The following ERN1 variants were observed in gnomAD, a reference collection of about 807,000 sequenced individuals.
ERN1 encodes the protein endoplasmic reticulum to nucleus signaling 1.
Under a neutral mutation model 113.1 loss-of-function variants are expected in ERN1, and 39 were observed. That is an observed-to-expected ratio of 0.34 (90% CI 0.27 to 0.45). The LOEUF (loss-of-function observed/expected upper bound fraction) is 0.45. ERN1 is among the 20% of genes least tolerant of loss of function. ERN1 has a pLI of 1.00. For missense variants in ERN1, 976 were observed against 1,274.8 expected (o/e 0.77, Z 3.57); for synonymous variants, 507 against 515.9 (o/e 0.98, Z 0.23).
intron 9 of ERN1, among the ~76,000 whole-genome samples, chr17:64,065,008 T>C (rs1430334461): frequency 6.6e-6 from 1 of 152,180 alleles, no homozygotes; most frequent in Non-Finnish European, 1.5e-5. Flanking sequence ...TAATCAGGGA[T>C]TCCTCGGCTT....
At chr17:64,064,910 T>A (rs1276614675) in intron 9 of ERN1, among the ~76,000 whole-genome samples, 1 of 151,820 alleles carries the variant, frequency 6.6e-6, no homozygotes, top group Non-Finnish European at 1.5e-5. Context: ...ACTAACAGGG[T>A]GGAGGAAGGG....
chr17:64,047,850 G>A lies in ERN1; in HGVS notation c.2529+8C>T, dbSNP rs763187111. On this transcript the variant is annotated splice_region_variant and intron_variant, in intron 19 of 21. Coordinates refer to ENST00000433197, the MANE Select transcript of ERN1 (RefSeq NM_001433.5). ...AAGACTCTGGATAAAGAGAACAGACGTCTCTACCTGGAAGAACTGGAGCTG... is the reference window on the plus strand; with the variant it reads ...AAGACTCTGGATAAAGAGAACAGACATCTCTACCTGGAAGAACTGGAGCTG... 43 of 1,599,194 alleles carry A rather than the reference G, an allele frequency of 2.7e-5. No individual in the cohort carries two copies. Among genetic ancestry groups the A allele is most frequent in the Middle Eastern group, 1.7e-4 (1 of 6,028 alleles).
intron 1 of ERN1, among the ~76,000 whole-genome samples, chr17:64,125,006 T>C (rs999446734): frequency 2.6e-5 from 4 of 152,230 alleles, no homozygotes; most frequent in South Asian, 4.1e-4. Context: ...CTAATAGGTA[T>C]GAAGTTTATT....
intron 9 of ERN1, 88 bp downstream of exon 9, chr17:64,065,120 TG>T: frequency 1.2e-6 from 1 of 800,664 alleles, no homozygotes; most frequent in Non-Finnish European, 2.0e-6. Context: ...ATTCTTAACC[TG>T]CAGGATGCTC....
rs553713876 is a variant in ERN1 at position 64,083,857 on chromosome 17, A to G, written c.176-3049T>C. Among the ~76,000 whole-genome samples the G allele has an allele frequency of 3.9e-5, 6 of 152,312 alleles. No homozygotes were observed. The South Asian group carries it at 1.2e-3, about 32-fold the overall frequency. ...TAGGCTAATCTAAATCACTTCTTTA[A>G]GCTCAAATAACAAAACAGACGTCCA... On this transcript the variant is annotated intron_variant, in intron 2 of 21. Coordinates refer to ENST00000433197, the MANE Select transcript of ERN1 (RefSeq NM_001433.5).
At chr17:64,103,225 G>C (rs1365530623) in intron 1 of ERN1, among the ~76,000 whole-genome samples, 2 of 152,166 alleles carry the variant, frequency 1.3e-5, no homozygotes, top group African/African-American at 4.8e-5. Context: ...GCTGGACGTG[G>C]TGACTCACAC....
chr17:64,109,852 C>T (rs62073082), intron 1 of ERN1, among the ~76,000 whole-genome samples: 9,410 of 152,234 alleles, frequency 0.062, 298 homozygotes, highest in Non-Finnish European at 0.072. Context: ...CTTTAAATCA[C>T]GGTTCACTGA....
At chr17:64,105,688 G>A (rs752748586) in intron 1 of ERN1, among the ~76,000 whole-genome samples, 6 of 151,478 alleles carry the variant, frequency 4.0e-5, no homozygotes, top group Non-Finnish European at 5.9e-5. Flanking sequence ...GAAAACAGCC[G>A]GGCACAGTGG....
At chr17:64,106,546 C>T (rs1914531870) in intron 1 of ERN1, among the ~76,000 whole-genome samples, 1 of 152,124 alleles carries the variant, frequency 6.6e-6, no homozygotes, top group Admixed American at 6.5e-5. Context: ...GGGGTGCTGT[C>T]TAGATGGATA....
intron 1 of ERN1, among the ~76,000 whole-genome samples, chr17:64,111,027 C>T (rs559194377): frequency 6.6e-6 from 1 of 152,284 alleles, no homozygotes; most frequent in African/African-American, 2.4e-5. Flanking sequence ...AGATAGCAAA[C>T]CTATGGGCTC....
rs145097813 is a variant in ERN1, at chr17:64,084,332, C to T, written c.176-3524G>A. On this transcript the variant is annotated intron_variant, in intron 2 of 21. Transcript: ENST00000433197. The stretch of plus-strand genomic sequence containing the variant: ...CTCTGTGGTCTGTTTCGATGCCAAC[C>T]ATAATTCTGTGTCCTGTTCCCATTC... Among the ~76,000 whole-genome samples, 3 of 152,286 alleles carry T rather than the reference C, an allele frequency of 2.0e-5. No homozygotes were observed. In the East Asian group the frequency reaches 5.8e-4, roughly 29 times the overall value.
At chr17:64,113,739 A>C (rs950962699) in intron 1 of ERN1, among the ~76,000 whole-genome samples, 1 of 152,038 alleles carries the variant, frequency 6.6e-6, no homozygotes, top group African/African-American at 2.4e-5. Flanking sequence ...GCTGGAGTGC[A>C]GTGGCGTGAT....
In ERN1 at chr17:64,049,095, C is replaced by G; in HGVS notation, c.2361G>C (p.Leu787=). Residue 787 remains leucine (L), a synonymous_variant, in exon 18 of 22, where the codon CTG becomes CTC. Coordinates refer to ENST00000433197, the MANE Select transcript of ERN1 (RefSeq NM_001433.5). This position sits in a 1 kb window ranked among gnomAD's most constrained non-coding sequence, Gnocchi z 4.7. ...KSLQRQANIL[L]GACSLDCLHP... ...GCAAGCAGTCAAGGCTGCAGGCACCCAGGAGGATGTTGGCCTGCCGCTGCA... is the reference window on the plus strand; with the variant it reads ...GCAAGCAGTCAAGGCTGCAGGCACCGAGGAGGATGTTGGCCTGCCGCTGCA... The G allele has an allele frequency of 6.2e-7, 1 of 1,607,436 alleles. No homozygotes were observed. The highest frequency in any genetic ancestry group is 8.5e-7 in the Non-Finnish European group (1 of 1,174,818).
At chr17:64,047,343 C>G (rs1053675004) in intron 19 of ERN1, among the ~76,000 whole-genome samples, 2 of 152,072 alleles carry the variant, frequency 1.3e-5, no homozygotes, top group Admixed American at 1.3e-4. Context: ...GCCTGGGTAA[C>G]GGAGTGAAAC....
chr17:64,103,550 A>C (rs1184022617), intron 1 of ERN1, among the ~76,000 whole-genome samples: 3 of 151,866 alleles, frequency 2.0e-5, no homozygotes, highest in African/African-American at 7.3e-5. Context: ...TTCCCCATTC[A>C]TAAAATCCAC....
intron 6 of ERN1, among the ~76,000 whole-genome samples, chr17:64,069,976 T>G (rs1480426694): frequency 1.3e-5 from 2 of 152,316 alleles, no homozygotes; most frequent in Admixed American, 1.3e-4. Flanking sequence ...ATTCCTGTAA[T>G]GCATGTTACT....
rs940637782 is a variant in ERN1, at chr17:64,110,885, G to A, written c.55-12644C>T. On this transcript the variant is annotated intron_variant, in intron 1 of 21. Coordinates refer to ENST00000433197, the MANE Select transcript of ERN1 (RefSeq NM_001433.5). ...GTGCTGGCACAACCAAACCTTCCGA[G>A]TTGAGGCTCGAAAACAGGACTCAGA... Among the ~76,000 whole-genome samples the A allele has an allele frequency of 2.0e-5, 3 of 152,228 alleles. 1 individual carries two copies. Among genetic ancestry groups the A allele is most frequent in the African/African-American group, 7.2e-5 (3 of 41,466 alleles).
intron 1 of ERN1, among the ~76,000 whole-genome samples, chr17:64,121,717 G>A (rs1914959923): frequency 6.6e-6 from 1 of 152,178 alleles, no homozygotes; most frequent in South Asian, 2.1e-4. Context: ...TTGAACTCCT[G>A]ACCTTATGAT....
chr17:64,115,499 C>T (rs779091224), intron 1 of ERN1, among the ~76,000 whole-genome samples: 4 of 152,144 alleles, frequency 2.6e-5, no homozygotes, highest in Non-Finnish European at 5.9e-5. Context: ...CCGAACTTCC[C>T]GAAAGCTGAC....
Sources: gnomAD v4.1 joint callset for allele counts (sites outside exome capture counted in the v4.1 genomes callset) on GRCh38, gnomAD v4.1.1 for gene constraint, Gnocchi (gnomAD v3.1) non-coding constraint, MANE v1.5 for transcripts, NCBI Gene and HGNC (gene_info 2026-07-23, HGNC 2026-07-21) for gene names.